The following RBM48 variants were observed in gnomAD, a reference collection of about 807,000 sequenced individuals.
RBM48 encodes the protein RNA binding motif protein 48, also known as RNA-binding protein 48.
Under a neutral mutation model 34.8 loss-of-function variants are expected in RBM48, and 32 were observed. That is an observed-to-expected ratio of 0.92 (90% confidence interval 0.69 to 1.23). The LOEUF (loss-of-function observed/expected upper bound fraction) is 1.23, where lower values mean the gene tolerates loss of function less well. Among genes scored for constraint, RBM48 ranks in the 50% most tolerant of loss-of-function variants. The probability of loss-of-function intolerance (pLI) is 0.00; values close to 1 mark genes in which losing one functional copy is unlikely to be tolerated. For synonymous variants in RBM48, 151 were observed against 156.2 expected, an observed-to-expected ratio of 0.97 and a Z score of 0.25; for missense variants, 441 against 447.2, an observed-to-expected ratio of 0.99 and a Z score of 0.12.
intron 2 of RBM48, 81 bp from the exon 3 acceptor site, chr7:92,532,323 T>C: frequency 8.3e-7 from 1 of 1,208,408 alleles, no homozygotes; most frequent in Non-Finnish European, 1.2e-6. Flanking sequence ...GCTCTTTAGA[T>C]CCAGATATTG....
In RBM48 at chr7:92,537,142, G is replaced by A; in HGVS notation, c.*205G>A. 1 of 366,014 alleles carries A rather than the reference G, an allele frequency of 2.7e-6. No homozygotes were observed. The highest frequency in any genetic ancestry group is 5.1e-6 in the Non-Finnish European group (1 of 197,076). 22.7% of individuals were successfully genotyped at this position (366,014 alleles called of 1,614,324 possible). A position where few individuals can be genotyped will look rare whatever the true frequency, so the allele number is the denominator to read the frequency against. On this transcript the variant is annotated 3_prime_UTR_variant, in exon 5 of 5. Coordinates refer to ENST00000265732, the MANE Select transcript of RBM48 (RefSeq NM_032120.4). ...CTGTTGCCCAGGCTGGAATGCAGTG[G>A]CGTGATCTCGGCTCACTGCAACCTC...
rs763059818 is a variant in RBM48 at position 92,528,867 on chromosome 7, G to T, written c.54G>T (p.Arg18Ser). 6.2e-7 allele frequency: 1 copy of T among 1,614,152 alleles called. No individual in the cohort carries two copies. The highest frequency in any genetic ancestry group is 8.5e-7 in the Non-Finnish European group (1 of 1,180,034). Residue 18 changes from arginine (R) to serine (S), a missense_variant, in exon 1 of 5, where the codon AGG becomes AGT. By Grantham distance (110) the Arg-to-Ser change is moderately radical. Transcript: ENST00000265732. ...GTTTATTTGATCACCACGTCCAGAGGGCGGTATGCGACACACGGGCCAAAT... is the reference window on the plus strand; with the variant it reads ...GTTTATTTGATCACCACGTCCAGAGTGCGGTATGCGACACACGGGCCAAAT... ...LGSLFDHHVQ[R>S]AVCDTRAKYR...
In RBM48 at chr7:92,536,917, A is replaced by G; in HGVS notation, c.1084A>G (p.Lys362Glu). 1 of 1,608,462 alleles carries G rather than the reference A, an allele frequency of 6.2e-7. No individual in the cohort carries two copies. The highest frequency in any genetic ancestry group is 8.5e-7 in the Non-Finnish European group (1 of 1,177,866). Reference sequence around the variant, plus strand: ...AGATGTACATACAAGTCATCCATTAAAACAAAGAAGAAGAATATAGAGTGC... The same window carrying G: ...AGATGTACATACAAGTCATCCATTAGAACAAAGAAGAAGAATATAGAGTGC... ...PEDVHTSHPLKQRRRI is the reference protein window; with the variant it reads ...PEDVHTSHPLEQRRRI The change falls in exon 5 of 5, where the codon AAA becomes GAA. Residue 362 changes from lysine (K) to glutamate (E), a missense_variant. Transcript: ENST00000265732.
At position 92,530,007 on chromosome 7, in the gene RBM48, C is replaced by G. The variant is rs113268439; in HGVS notation, c.302+341C>G. On this transcript the variant is annotated intron_variant, in intron 2 of 4. Transcript: ENST00000265732. ...GCCTGGCCAACATGGTGAAACCCCC[C>G]TCTCTACTAAAAATACAAAATTAGC... Among the ~76,000 whole-genome samples, 18 of 150,560 alleles carry G rather than the reference C, an allele frequency of 1.2e-4. 1 individual carries two copies. The highest frequency in any genetic ancestry group is 4.1e-4 in the African/African-American group (17 of 41,004).
At chr7:92,531,098 G>A (rs1289443450) in intron 2 of RBM48, among the ~76,000 whole-genome samples, 5 of 151,958 alleles carry the variant, frequency 3.3e-5, no homozygotes, top group Non-Finnish European at 1.5e-5. Context: ...AAAAAAGTTG[G>A]GTTTGGAGTA....
At chr7:92,536,607 C>G (rs546180067) in intron 4 of RBM48, 3 of 1,120,594 alleles carry the variant, frequency 2.7e-6, no homozygotes, top group Admixed American at 9.7e-5. Flanking sequence ...CATATGTTCA[C>G]TTTTCTTCCT....
At chr7:92,530,782 A>G (rs912505187) in intron 2 of RBM48, among the ~76,000 whole-genome samples, 3 of 151,336 alleles carry the variant, frequency 2.0e-5, no homozygotes, top group African/African-American at 7.3e-5. Context: ...CCTGGGCAAG[A>G]GTGAGACTGT....
At chr7:92,528,990 C>T in intron 1 of RBM48, 66 bp downstream of exon 1, 3 of 1,170,902 alleles carry the variant, frequency 2.6e-6, no homozygotes, top group Non-Finnish European at 1.3e-6. Flanking sequence ...GCCATATGAC[C>T]AGCCTACGGA....
Position 92,531,222 on chromosome 7 carries a change from G to A in RBM48, c.303-1182G>A, listed in dbSNP as rs147190669. On this transcript the variant is annotated intron_variant, in intron 2 of 4. Coordinates refer to ENST00000265732, the MANE Select transcript of RBM48 (RefSeq NM_032120.4). ...TGGTAAAGGGACCTATCTACTTCTT[G>A]GGGTTGTATGAGGATGAAATGAGAT... Among the ~76,000 whole-genome samples the A allele has an allele frequency of 2.1e-3, 314 of 152,284 alleles. 1 individual carries two copies. The highest frequency in any genetic ancestry group is 7.3e-3 in the African/African-American group (303 of 41,570).
At chr7:92,536,015 T>A in intron 4 of RBM48, 1 of 386,222 alleles carries the variant, frequency 2.6e-6, no homozygotes, top group Non-Finnish European at 3.5e-6. Flanking sequence ...TGAACTCTTG[T>A]AGCTACTTGG....
chr7:92,532,580 G>T, intron 3 of RBM48, 31 bp downstream of exon 3: 1 of 1,529,276 alleles, frequency 6.5e-7, no homozygotes, highest in Non-Finnish European at 9.0e-7. Context: ...AATGCCTCCT[G>T]TGTGTCAGGC....
chr7:92,532,114 T>G (rs992819083), intron 2 of RBM48, among the ~76,000 whole-genome samples: 1 of 152,186 alleles, frequency 6.6e-6, no homozygotes, highest in Non-Finnish European at 1.5e-5. Flanking sequence ...CTCCATTTTA[T>G]GACCACAGTT....
Position 92,538,304 on chromosome 7 carries a change from G to A in RBM48, c.*1367G>A, listed in dbSNP as rs547502038. Among the ~76,000 whole-genome samples, 26 of 152,328 alleles carry A rather than the reference G, an allele frequency of 1.7e-4. No individual in the cohort carries two copies. Among genetic ancestry groups the A allele is most frequent in the South Asian group, 6.2e-4 (3 of 4,826 alleles). On this transcript the variant is annotated 3_prime_UTR_variant, in exon 5 of 5. Coordinates refer to ENST00000265732, the MANE Select transcript of RBM48 (RefSeq NM_032120.4). ...GAAAGGGTTGTGATAGACGGAGCAA[G>A]TGATCTATAGGCAACACATGGTTAG... is the stretch of plus-strand genomic sequence containing the variant.
At chr7:92,529,862 A>G (rs1374677873) in intron 2 of RBM48, among the ~76,000 whole-genome samples, 196 bp downstream of exon 2, 1 of 152,156 alleles carries the variant, frequency 6.6e-6, no homozygotes. Context: ...TAACAATTTA[A>G]TGTCCTGTAG....
intron 3 of RBM48, 199 bp from the exon 4 acceptor site, chr7:92,534,203 A>G: frequency 1.4e-6 from 1 of 710,034 alleles, no homozygotes; most frequent in Non-Finnish European, 2.3e-6. Context: ...GGAAAGGGTG[A>G]CACTTGATGC....
intron 3 of RBM48, 26 bp downstream of exon 3, chr7:92,532,575 C>T: frequency 6.4e-7 from 1 of 1,560,920 alleles, no homozygotes; most frequent in Non-Finnish European, 8.8e-7. Context: ...TGCTAAATGC[C>T]TCCTGTGTGT....
At chr7:92,536,011 C>A in intron 4 of RBM48, 1 of 377,852 alleles carries the variant, frequency 2.6e-6, no homozygotes, top group Non-Finnish European at 3.6e-6. Flanking sequence ...GTGGTGAACT[C>A]TTGTAGCTAC....
chr7:92,529,167 A>G (rs1793468161), intron 1 of RBM48: 2 of 587,474 alleles, frequency 3.4e-6, no homozygotes, highest in South Asian at 2.0e-5. Flanking sequence ...CTGTGTTTAC[A>G]GTACTACTTG....
rs6951704 is a variant in RBM48 at position 92,537,313 on chromosome 7, T to A, written c.*376T>A. ...ATTGGTCAGGCTGGTCTCGAACTCC[T>A]GACCTTGTGATACACCTGCCTCAGC... On this transcript the variant is annotated 3_prime_UTR_variant, in exon 5 of 5. Coordinates refer to ENST00000265732, the MANE Select transcript of RBM48 (RefSeq NM_032120.4). The A allele has an allele frequency of 6.4e-6, 1 of 156,004 alleles. No homozygotes were observed. Among genetic ancestry groups the A allele is most frequent in the African/African-American group, 2.4e-5 (1 of 41,584 alleles). 9.7% of individuals were successfully genotyped at this position (156,004 alleles called of 1,614,324 possible). A position where few individuals can be genotyped will look rare whatever the true frequency, so the allele number is the denominator to read the frequency against.
Sources: allele counts gnomAD v4.1 joint callset (sites outside exome capture counted in the v4.1 genomes callset), GRCh38; gene constraint gnomAD v4.1.1; transcripts MANE v1.5; gene names NCBI Gene and HGNC (gene_info 2026-07-23, HGNC 2026-07-21).